SUCLA2: variants seen among roughly 807,000 people sequenced by gnomAD.
SUCLA2 encodes the protein succinate-CoA ligase ADP-forming subunit beta.
In SUCLA2, 30 loss-of-function variants were observed where a neutral mutation model predicts 54.8. That is an observed-to-expected ratio of 0.55 (90% CI 0.41 to 0.74). The LOEUF is 0.74. SUCLA2 is among the 30% of genes least tolerant of loss of function. The pLI is 0.00. For synonymous variants in SUCLA2, 172 were observed against 188.9 expected (o/e 0.91, Z 0.74); for missense variants, 476 against 562.9 (o/e 0.85, Z 1.56).
At chr13:47,950,027 G>A (rs2137688775) in intron 8 of SUCLA2, among the ~76,000 whole-genome samples, 1 of 152,328 alleles carries the variant, frequency 6.6e-6, no homozygotes, top group Non-Finnish European at 1.5e-5. Context: ...TGTGTGGCAA[G>A]AGTAACACCA....
chr13:47,980,566 T>A (rs1950052624), intron 4 of SUCLA2, among the ~76,000 whole-genome samples: 1 of 151,992 alleles, frequency 6.6e-6, no homozygotes, highest in Admixed American at 6.6e-5. Context: ...AAAATCCCAA[T>A]GGCTTTTTTT....
At chr13:47,970,522 T>G (rs1190131118) in intron 5 of SUCLA2, among the ~76,000 whole-genome samples, 4 of 152,216 alleles carry the variant, frequency 2.6e-5, no homozygotes, top group African/African-American at 9.7e-5. Flanking sequence ...TTTGCTTTAT[T>G]CTCCATCAGA....
At chr13:47,948,848 G>C in intron 10 of SUCLA2, 92 bp downstream of exon 10, 4 of 1,199,742 alleles carry the variant, frequency 3.3e-6, no homozygotes, top group Non-Finnish European at 5.0e-6. Flanking sequence ...ATAATATTTA[G>C]CTGAAACACA....
intron 6 of SUCLA2, among the ~76,000 whole-genome samples, chr13:47,959,446 G>T (rs1949848808): frequency 7.3e-6 from 1 of 137,152 alleles, no homozygotes. Context: ...GGAGGAGGAG[G>T]GGGAGGAGGA....
chr13:47,970,715 C>G (rs958815379), intron 5 of SUCLA2, among the ~76,000 whole-genome samples: 2 of 152,086 alleles, frequency 1.3e-5, no homozygotes, highest in African/African-American at 4.8e-5. Context: ...CAAAAATTAG[C>G]TGGTCATGGT....
In SUCLA2 at chr13:47,997,027, G is replaced by A. The variant is rs1950197173; in HGVS notation, c.91-4C>T. 6 of 1,613,996 alleles carry A rather than the reference G, an allele frequency of 3.7e-6. No homozygotes were observed. The highest frequency in any genetic ancestry group is 5.1e-6 in the Non-Finnish European group (6 of 1,179,972). On this transcript the variant is annotated splice_polypyrimidine_tract_variant and splice_region_variant and intron_variant, in intron 1 of 10. Coordinates refer to ENST00000646932, the MANE Select transcript of SUCLA2 (RefSeq NM_003850.3). ...ACAATCCAGAACTTCCCAGAACCTA[G>A]AAAGATTGGGGACATATTTATATAT...
At chr13:47,972,195 G>T (rs1949972294) in intron 5 of SUCLA2, 1 of 264,126 alleles carries the variant, frequency 3.8e-6, no homozygotes, top group Non-Finnish European at 7.1e-6. Context: ...GCAGAGGTTG[G>T]AGTGAGCCAA....
At chr13:47,995,473 A>G (rs749043089) in intron 2 of SUCLA2, among the ~76,000 whole-genome samples, 11 of 152,342 alleles carry the variant, frequency 7.2e-5, no homozygotes, top group Non-Finnish European at 1.3e-4. Context: ...CAAGGAAATC[A>G]TGGCCATCTC....
chr13:47,958,365 A>G (rs1423032092), intron 6 of SUCLA2, among the ~76,000 whole-genome samples: 1 of 152,198 alleles, frequency 6.6e-6, no homozygotes, highest in Admixed American at 6.5e-5. Context: ...GTGTGTATAC[A>G]TACATGTCTA....
chr13:47,968,038 T>C (rs1322651969), intron 6 of SUCLA2, among the ~76,000 whole-genome samples: 4 of 152,156 alleles, frequency 2.6e-5, no homozygotes, highest in Admixed American at 1.3e-4. Context: ...GGATATGTTA[T>C]TAAGTGAATA....
intron 6 of SUCLA2, among the ~76,000 whole-genome samples, 185 bp downstream of exon 6, chr13:47,968,410 G>A (rs1200805354): frequency 6.6e-6 from 1 of 151,774 alleles, no homozygotes; most frequent in Non-Finnish European, 1.5e-5. Context: ...TTGTTTAATG[G>A]GTCTAATAGT....
intron 6 of SUCLA2, 126 bp downstream of exon 6, chr13:47,968,467 ATT>A (rs1231459040): frequency 1.3e-5 from 14 of 1,042,096 alleles, no homozygotes; most frequent in Admixed American, 2.5e-5. Flanking sequence ...ATTCTATCTG[ATT>A]TTTTTTTAAA....
Position 47,980,481 on chromosome 13 carries a change from C to A in SUCLA2, c.535-7089G>T, listed in dbSNP as rs560843038. 1.1e-3 allele frequency among the ~76,000 whole-genome samples: 171 copies of A among 152,112 alleles called. 2 individuals are homozygous for A. The highest frequency in any genetic ancestry group is 1.7e-3 in the Non-Finnish European group (116 of 67,980). ...CAAATGGAAAGACATCTTGTGATCA[C>A]AGATTGGAAGACTTAATATTGTTAA... is the stretch of plus-strand genomic sequence containing the variant. On this transcript the variant is annotated intron_variant, in intron 4 of 10. Transcript: ENST00000646932.
At chr13:47,981,853 TG>T (rs1314388116) in intron 4 of SUCLA2, among the ~76,000 whole-genome samples, 1 of 151,966 alleles carries the variant, frequency 6.6e-6, no homozygotes, top group Non-Finnish European at 1.5e-5. Context: ...GGTGTGGTGG[TG>T]GGTGCCTGTA....
chr13:47,958,434 TAAGTAA>T (rs889157578), intron 6 of SUCLA2, among the ~76,000 whole-genome samples: 7 of 152,232 alleles, frequency 4.6e-5, no homozygotes, highest in Admixed American at 1.3e-4. Context: ...AATTGGCTTA[TAAGTAA>T]AAGAGCACTC....
At chr13:47,952,128 A>C (rs1008963329) in intron 8 of SUCLA2, among the ~76,000 whole-genome samples, 1 of 151,588 alleles carries the variant, frequency 6.6e-6, no homozygotes, top group African/African-American at 2.4e-5. Context: ...GTTCCCACTC[A>C]CCTCTTTCAG....
intron 8 of SUCLA2, among the ~76,000 whole-genome samples, chr13:47,950,802 G>A (rs1451757154): frequency 6.6e-6 from 1 of 152,086 alleles, no homozygotes; most frequent in Non-Finnish European, 1.5e-5. Flanking sequence ...GGAGCCTCAG[G>A]GCCAGTGGAC....
At chr13:47,964,661 TC>T (rs1949902369) in intron 6 of SUCLA2, among the ~76,000 whole-genome samples, 1 of 152,036 alleles carries the variant, frequency 6.6e-6, no homozygotes, top group African/African-American at 2.4e-5. Flanking sequence ...ATCGAGACCA[TC>T]CTGGCTAACA....
chr13:47,997,170 A>G, intron 1 of SUCLA2, 147 bp from the exon 2 acceptor site: 4 of 812,660 alleles, frequency 4.9e-6, no homozygotes, highest in South Asian at 4.5e-5. Context: ...GCATAAAACT[A>G]AAAGCTAGCC....
Sources: allele counts gnomAD v4.1 joint callset (sites outside exome capture counted in the v4.1 genomes callset), GRCh38; gene constraint gnomAD v4.1.1; transcripts MANE v1.5; gene names NCBI Gene and HGNC (gene_info 2026-07-23, HGNC 2026-07-21).